The following RAD23B variants were observed in gnomAD, a reference collection of about 807,000 sequenced individuals.
RAD23B encodes the protein lysine-specific demethylase RAD23B.
RAD23B carries 5 observed loss-of-function variants against 49.1 expected under a neutral mutation model. The ratio of observed to expected loss-of-function variants is 0.10; its 90% CI spans 0.05 to 0.21. The LOEUF is 0.21. RAD23B is among the 10% of genes least tolerant of loss of function. The pLI, the probability that RAD23B is intolerant of heterozygous loss-of-function variation, is 1.00. For synonymous variants in RAD23B, 184 were observed against 165.4 expected (o/e 1.11, Z -0.86); for missense variants, 356 against 486.7 (o/e 0.73, Z 2.53).
intron 5 of RAD23B, among the ~76,000 whole-genome samples, chr9:107,316,329 C>T (rs935721889): frequency 2.0e-5 from 3 of 152,190 alleles, no homozygotes; most frequent in African/African-American, 7.2e-5. Context: ...TTATTAATCT[C>T]TCCAAGCTGT....
At chr9:107,293,208 A>G (rs193033062) in intron 1 of RAD23B, among the ~76,000 whole-genome samples, 1 of 152,140 alleles carries the variant, frequency 6.6e-6, no homozygotes, top group Non-Finnish European at 1.5e-5. Context: ...CAAAATAGAA[A>G]CGATGGCTTT....
At chr9:107,303,372 T>C (rs145428323) in intron 3 of RAD23B, among the ~76,000 whole-genome samples, 2 of 152,314 alleles carry the variant, frequency 1.3e-5, no homozygotes, top group East Asian at 3.9e-4. Flanking sequence ...AGCAAGCAGC[T>C]AAATAGTTTA....
intron 5 of RAD23B, among the ~76,000 whole-genome samples, chr9:107,314,336 C>G (rs1826948304): frequency 6.6e-6 from 1 of 152,126 alleles, no homozygotes; most frequent in African/African-American, 2.4e-5. Context: ...AGTTTTTGAA[C>G]CCACACTCCA....
intron 1 of RAD23B, among the ~76,000 whole-genome samples, chr9:107,291,778 C>T (rs1327995917): frequency 1.3e-5 from 2 of 152,264 alleles, no homozygotes; most frequent in African/African-American, 2.4e-5. Flanking sequence ...CATAAGAAAT[C>T]CTTTAGTACA....
At chr9:107,292,613 G>C (rs995869585) in intron 1 of RAD23B, among the ~76,000 whole-genome samples, 8 of 150,772 alleles carry the variant, frequency 5.3e-5, no homozygotes, top group African/African-American at 2.0e-4. Flanking sequence ...TCGTGAGGTG[G>C]AGGTTGCAGT....
chr9:107,311,537 G>A, intron 4 of RAD23B, 145 bp from the exon 5 acceptor site: 1 of 576,808 alleles, frequency 1.7e-6, no homozygotes, highest in Non-Finnish European at 2.8e-6. Context: ...ATTTAATCTA[G>A]AAGAGACAGT....
Position 107,306,656 on chromosome 9 carries a change from T to C in RAD23B, c.497+9T>C, listed in dbSNP as rs774956476. The C allele has an allele frequency of 3.1e-6, 5 of 1,608,872 alleles. No individual in the cohort carries two copies. In the East Asian group the frequency reaches 1.1e-4, roughly 36 times the overall value. ...CCAACAGCAACTGACAGGTAGGAAC[T>C]GGATTCTAGGACATTCTATCTCAAA... is the stretch of plus-strand genomic sequence containing the variant. On this transcript the variant is annotated intron_variant, in intron 4 of 9. Coordinates refer to ENST00000358015, the MANE Select transcript of RAD23B (RefSeq NM_002874.5).
In RAD23B at chr9:107,331,454, GATCACACC is replaced by G. The variant is rs758097006; in HGVS notation, c.*1800_*1807del. 16 of 475,464 alleles carry G rather than the reference GATCACACC, an allele frequency of 3.4e-5. No homozygotes were observed. Among genetic ancestry groups the G allele is most frequent in the Non-Finnish European group, 5.9e-5 (16 of 268,956 alleles). 29.5% of individuals were successfully genotyped at this position (475,464 alleles called of 1,614,324 possible). A position where few individuals can be genotyped will look rare whatever the true frequency, so the allele number is the denominator to read the frequency against. Reference sequence around the variant, plus strand: ...GGAAGTGAAGGTTGCCGTGAGCTGAGATCACACCACTGCCATAAACATGACAGGCTTTT... The same window carrying G: ...GGAAGTGAAGGTTGCCGTGAGCTGAGACTGCCATAAACATGACAGGCTTTT... On this transcript the variant is annotated 3_prime_UTR_variant, in exon 10 of 10. Coordinates refer to ENST00000358015, the MANE Select transcript of RAD23B (RefSeq NM_002874.5).
chr9:107,306,427 C>G lies in RAD23B; in HGVS notation c.277C>G (p.Pro93Ala). Residue 93 changes from proline (P) to alanine (A), a missense_variant, in exon 4 of 10, where the codon CCT (proline) becomes GCT (alanine). Transcript: ENST00000358015. ...PAPATTQQSA[P>A]ASTTAVTSST... ...ACCAGCTACAACTCAGCAGTCAGCTCCTGCCAGCACTACAGCAGTTACTTC... is the reference window on the plus strand; with the variant it reads ...ACCAGCTACAACTCAGCAGTCAGCTGCTGCCAGCACTACAGCAGTTACTTC... 1 of 1,614,174 alleles carries G rather than the reference C, an allele frequency of 6.2e-7. No homozygotes were observed. Among genetic ancestry groups the G allele is most frequent in the South Asian group, 1.1e-5 (1 of 91,076 alleles).
At chr9:107,286,160 C>G (rs1468627742) in intron 1 of RAD23B, among the ~76,000 whole-genome samples, 1 of 152,090 alleles carries the variant, frequency 6.6e-6, no homozygotes, top group African/African-American at 2.4e-5. Flanking sequence ...CTTACGTAGC[C>G]AGTATAGCAA....
chr9:107,313,327 G>C (rs1173861748), intron 5 of RAD23B, among the ~76,000 whole-genome samples: 2 of 152,062 alleles, frequency 1.3e-5, no homozygotes, highest in Non-Finnish European at 2.9e-5. Context: ...CCAGGTTTAA[G>C]CGATTCTCCC....
chr9:107,317,719 A>G (rs1410988224), intron 5 of RAD23B, among the ~76,000 whole-genome samples: 1 of 151,706 alleles, frequency 6.6e-6, no homozygotes, highest in Non-Finnish European at 1.5e-5. Context: ...CCCAGAACAC[A>G]AGCAGAAGAA....
At chr9:107,301,442 CAGTA>C (rs796782209) in intron 2 of RAD23B, among the ~76,000 whole-genome samples, 29 of 152,226 alleles carry the variant, frequency 1.9e-4, no homozygotes, top group African/African-American at 7.0e-4. Context: ...TTTCCTTGCC[CAGTA>C]AGTCTTTTAT....
chr9:107,302,113 A>C lies in RAD23B; in HGVS notation c.227A>C (p.Lys76Thr). Residue 76 changes from lysine (K) to threonine (T), a missense_variant and splice_region_variant, in exon 3 of 10, where the codon AAA (lysine) becomes ACA (threonine). Coordinates refer to ENST00000358015, the MANE Select transcript of RAD23B (RefSeq NM_002874.5). ...EKNFVVVMVT[K>T]PKAVSTPAPA... Reference sequence around the variant, plus strand: ...AACTTTGTGGTGGTTATGGTGACCAAAGTAAGTTTCAACCTCATTCTGTAT... The same window carrying C: ...AACTTTGTGGTGGTTATGGTGACCACAGTAAGTTTCAACCTCATTCTGTAT... The C allele has an allele frequency of 6.2e-7, 1 of 1,612,886 alleles. No homozygotes were observed. Among genetic ancestry groups the C allele is most frequent in the Non-Finnish European group, 8.5e-7 (1 of 1,179,664 alleles).
chr9:107,324,635 G>A (rs1283412597), intron 8 of RAD23B, among the ~76,000 whole-genome samples, 199 bp from the exon 9 acceptor site: 2 of 151,994 alleles, frequency 1.3e-5, no homozygotes. Flanking sequence ...TTTCTTCACT[G>A]TTTACTTTGC....
intron 9 of RAD23B, among the ~76,000 whole-genome samples, chr9:107,328,844 G>A (rs942640635): frequency 2.6e-5 from 4 of 152,236 alleles, no homozygotes; most frequent in African/African-American, 4.8e-5. Context: ...TTTAAAAGGA[G>A]TGAGTATTGT....
chr9:107,325,785 A>G (rs896276109), intron 9 of RAD23B, among the ~76,000 whole-genome samples: 3 of 152,220 alleles, frequency 2.0e-5, no homozygotes, highest in African/African-American at 7.2e-5. Context: ...TTATTAGACT[A>G]GCAAGAACCA....
chr9:107,327,368 A>T (rs554213844), intron 9 of RAD23B, among the ~76,000 whole-genome samples: 77 of 152,270 alleles, frequency 5.1e-4, no homozygotes, highest in Admixed American at 4.0e-3. Flanking sequence ...GTTTAAGATT[A>T]AATTATTATC....
chr9:107,298,531 A>G (rs1277004546), intron 1 of RAD23B, among the ~76,000 whole-genome samples: 5 of 110,500 alleles, frequency 4.5e-5, no homozygotes, highest in Admixed American at 1.3e-4. Flanking sequence ...GGGTTTTACC[A>G]TGTTAGCCAG....
Sources: allele counts gnomAD v4.1 joint callset (sites outside exome capture counted in the v4.1 genomes callset), GRCh38; gene constraint gnomAD v4.1.1; transcripts MANE v1.5; gene names NCBI Gene and HGNC (gene_info 2026-07-23, HGNC 2026-07-21).